The following LRBA variants were observed in gnomAD, a reference collection of about 807,000 sequenced individuals.
LRBA encodes lipopolysaccharide-responsive and beige-like anchor protein.
In LRBA, 176 loss-of-function variants were observed where a neutral mutation model predicts 330.0. The observed-to-expected ratio is 0.53, with a 90% CI of 0.47 to 0.60. The LOEUF is 0.60. Among genes scored for constraint, LRBA ranks in the 20% least tolerant of loss-of-function variants. The pLI is 0.00. For missense variants in LRBA, 3,259 were observed against 3,444.8 expected (o/e 0.95, Z 1.35); for synonymous variants, 1,230 against 1,193.0 (o/e 1.03, Z -0.64).
chr4:150,393,775 T>C (rs906188829), intron 47 of LRBA, among the ~76,000 whole-genome samples: 2 of 152,216 alleles, frequency 1.3e-5, no homozygotes, highest in African/African-American at 4.8e-5. Flanking sequence ...CATGAGCCAC[T>C]GCCCTTGGTC....
rs1772983904 is a variant in LRBA at position 150,592,296 on chromosome 4, T to G, written c.6047-1437A>C. On this transcript the variant is annotated intron_variant, in intron 38 of 56. Transcript: ENST00000651943. The stretch of plus-strand genomic sequence containing the variant: ...TTATTCTACATAGTTAACCTGCACA[T>G]GTGTTACCTGATTTGGCAGATCAAA... Among the ~76,000 whole-genome samples the G allele has an allele frequency of 2.0e-5, 3 of 151,750 alleles. No homozygotes were observed. The South Asian group carries it at 6.2e-4, about 31-fold the overall frequency.
intron 47 of LRBA, among the ~76,000 whole-genome samples, chr4:150,372,446 C>G (rs1460499542): frequency 2.0e-5 from 3 of 149,754 alleles, no homozygotes; most frequent in Non-Finnish European, 4.4e-5. Context: ...ACCCTCTCTA[C>G]AAAAATTAGC....
chr4:150,305,685 G>C (rs1445133883), intron 52 of LRBA, among the ~76,000 whole-genome samples: 1 of 152,196 alleles, frequency 6.6e-6, no homozygotes, highest in Non-Finnish European at 1.5e-5. Context: ...AAATGAGAGA[G>C]TGACATTTAA....
chr4:150,372,681 C>T (rs1192665495), intron 47 of LRBA, among the ~76,000 whole-genome samples: 4 of 137,966 alleles, frequency 2.9e-5, no homozygotes, highest in African/African-American at 1.0e-4. Flanking sequence ...TCAATTTATT[C>T]CTCATTTAAA....
intron 46 of LRBA, among the ~76,000 whole-genome samples, chr4:150,431,882 T>A (rs1416753656): frequency 6.6e-6 from 1 of 152,056 alleles, no homozygotes; most frequent in Non-Finnish European, 1.5e-5. Flanking sequence ...CACAAAACTT[T>A]AAAAACAGTA....
chr4:151,013,356 C>T (rs763633296), intron 2 of LRBA: 2 of 152,124 alleles, frequency 1.3e-5, no homozygotes, highest in Non-Finnish European at 2.9e-5. Flanking sequence ...ATAAAGAAAT[C>T]TAAAAAGTCT....
At chr4:150,414,347 T>C (rs1747420844) in intron 47 of LRBA, among the ~76,000 whole-genome samples, 1 of 152,144 alleles carries the variant, frequency 6.6e-6, no homozygotes, top group Admixed American at 6.5e-5. Flanking sequence ...ATAGGATTAA[T>C]TGTTGGTATG....
chr4:150,400,859 A>T (rs1242810309), intron 47 of LRBA, among the ~76,000 whole-genome samples: 4 of 152,204 alleles, frequency 2.6e-5, no homozygotes, highest in Non-Finnish European at 5.9e-5. Context: ...TAATAAAAAA[A>T]GAAGTTTTCT....
At chr4:150,678,433 C>T (rs1042498325) in intron 37 of LRBA, among the ~76,000 whole-genome samples, 6 of 151,994 alleles carry the variant, frequency 3.9e-5, no homozygotes, top group African/African-American at 1.5e-4. Context: ...AGACAGATCC[C>T]AGAAATATCA....
chr4:150,828,560 T>C lies in LRBA; in HGVS notation c.4791A>G (p.Thr1597=), dbSNP rs895879886. ...TTASVEESES[T]SSARRRDSGI... ...CTGAGTCCCTCCTTCGAGCAGATGA[T>C]GTGCTTTCAGATTCTTCCACTGATG... is the stretch of plus-strand genomic sequence containing the variant. Residue 1597 remains threonine (T), a synonymous_variant, in exon 30 of 57, where the codon ACA becomes ACG. Coordinates refer to ENST00000651943, the MANE Select transcript of LRBA (RefSeq NM_001364905.1). The C allele has an allele frequency of 1.9e-6, 3 of 1,614,032 alleles. No homozygotes were observed. Among genetic ancestry groups the C allele is most frequent in the Non-Finnish European group, 2.5e-6 (3 of 1,180,008 alleles).
chr4:150,770,394 G>A (rs868808548), intron 34 of LRBA, among the ~76,000 whole-genome samples: 1 of 151,878 alleles, frequency 6.6e-6, no homozygotes, highest in Non-Finnish European at 1.5e-5. Context: ...CCCCACCTTA[G>A]CTGATATGTA....
chr4:150,463,142 T>C (rs939439360), intron 44 of LRBA, among the ~76,000 whole-genome samples: 2 of 152,012 alleles, frequency 1.3e-5, no homozygotes, highest in African/African-American at 4.8e-5. Flanking sequence ...TTCATCAATA[T>C]TTAATGAAAG....
chr4:150,738,776 A>G (rs1331578977), intron 35 of LRBA, among the ~76,000 whole-genome samples: 3 of 152,096 alleles, frequency 2.0e-5, no homozygotes, highest in Non-Finnish European at 2.9e-5. Flanking sequence ...GGTAACCACT[A>G]AAGTTATTTA....
At chr4:150,968,179 A>ATT (rs1422325868) in intron 2 of LRBA, among the ~76,000 whole-genome samples, 5 of 151,524 alleles carry the variant, frequency 3.3e-5, no homozygotes, top group African/African-American at 1.2e-4. Flanking sequence ...TAATTTTTGT[A>ATT]TTTTAGTAGG....
At chr4:150,656,671 TGTAA>T (rs113310550) in intron 37 of LRBA, among the ~76,000 whole-genome samples, 1 of 152,328 alleles carries the variant, frequency 6.6e-6, no homozygotes, top group African/African-American at 2.4e-5. Context: ...TTCAGACAAC[TGTAA>T]GTATTACTAA....
chr4:150,537,735 G>C (rs1430713208), intron 40 of LRBA, among the ~76,000 whole-genome samples: 1 of 152,136 alleles, frequency 6.6e-6, no homozygotes, highest in Non-Finnish European at 1.5e-5. Context: ...TGGATCACTT[G>C]AGGTCAGCAG....
In LRBA at chr4:150,453,729, A is replaced by C. The variant is rs1753672534; in HGVS notation, c.6780+13944T>G. 3.9e-5 allele frequency among the ~76,000 whole-genome samples: 6 copies of C among 152,096 alleles called. No individual in the cohort carries two copies. The South Asian group carries it at 1.2e-3, about 32-fold the overall frequency. On this transcript the variant is annotated intron_variant, in intron 44 of 56. Transcript: ENST00000651943. ...TTCACAGATCTCTTGCAACAAACCC[A>C]CAGTCCCCTCAAGTGACCAGAGCTC...
intron 46 of LRBA, among the ~76,000 whole-genome samples, chr4:150,424,366 T>C (rs1411296325): frequency 6.6e-6 from 1 of 152,190 alleles, no homozygotes; most frequent in Non-Finnish European, 1.5e-5. Context: ...ATATTTTGGT[T>C]GCCACAAAAA....
In LRBA at chr4:150,986,157, T is replaced by C. The variant is rs148133206; in HGVS notation, c.216+28270A>G. Among the ~76,000 whole-genome samples the C allele has an allele frequency of 1.8e-3, 278 of 152,178 alleles. 1 individual carries two copies. The highest frequency in any genetic ancestry group is 6.5e-3 in the African/African-American group (270 of 41,502). On this transcript the variant is annotated intron_variant, in intron 2 of 56. Transcript: ENST00000651943. ...CTTTCAGGTCATCAGAATCTGAAAATTATACATTAAAATAGCAGTCCCCAA... is the reference window on the plus strand; with the variant it reads ...CTTTCAGGTCATCAGAATCTGAAAACTATACATTAAAATAGCAGTCCCCAA...
Sources: gnomAD v4.1 joint callset for allele counts (sites outside exome capture counted in the v4.1 genomes callset) on GRCh38, gnomAD v4.1.1 for gene constraint, MANE v1.5 for transcripts, NCBI Gene and HGNC (gene_info 2026-07-23, HGNC 2026-07-21) for gene names.